CDC14A: variants seen among roughly 807,000 people sequenced by gnomAD.
CDC14A encodes the protein dual specificity protein phosphatase CDC14A.
In CDC14A, 53 loss-of-function variants were observed where a neutral mutation model predicts 74.4. The observed-to-expected ratio is 0.71, with a 90% CI of 0.57 to 0.89. CDC14A has a LOEUF of 0.89. CDC14A is among the 40% of genes least tolerant of loss of function. CDC14A has a pLI of 0.00. For missense variants in CDC14A, 646 were observed against 713.7 expected, an observed-to-expected ratio of 0.91 and a Z score of 1.08; for synonymous variants, 247 against 258.4, an observed-to-expected ratio of 0.96 and a Z score of 0.43.
intron 2 of CDC14A, among the ~76,000 whole-genome samples, chr1:100,360,803 G>A (rs1281661977): frequency 2.0e-5 from 3 of 152,084 alleles, no homozygotes; most frequent in African/African-American, 7.2e-5. Context: ...GTTTGCTTGA[G>A]ATAAGGCTGT....
chr1:100,484,461 C>T lies in CDC14A; in HGVS notation c.1137+10C>T. On this transcript the variant is annotated intron_variant, in intron 11 of 15. Coordinates refer to ENST00000336454, the MANE Select transcript of CDC14A (RefSeq NM_003672.4). ...GGAACGATTTGGAGAGGTAAGTTTTCCCTAGGAGATTCTATCTTCTTAAAA... is the reference window on the plus strand; with the variant it reads ...GGAACGATTTGGAGAGGTAAGTTTTTCCTAGGAGATTCTATCTTCTTAAAA... The T allele has an allele frequency of 6.3e-7, 1 of 1,591,238 alleles. No individual in the cohort carries two copies. Among genetic ancestry groups the T allele is most frequent in the Non-Finnish European group, 8.5e-7 (1 of 1,171,444 alleles).
At chr1:100,399,717 AAGTT>A (rs1348700106) in intron 4 of CDC14A, among the ~76,000 whole-genome samples, 1 of 152,148 alleles carries the variant, frequency 6.6e-6, no homozygotes, top group African/African-American at 2.4e-5. Flanking sequence ...TTAAAAAAGT[AAGTT>A]AGCCAGGTAC....
chr1:100,399,140 G>A (rs867807379), intron 4 of CDC14A, among the ~76,000 whole-genome samples: 3 of 151,902 alleles, frequency 2.0e-5, no homozygotes, highest in Non-Finnish European at 2.9e-5. Flanking sequence ...AAATTCTCTC[G>A]CAGTTCTAAA....
intron 1 of CDC14A, among the ~76,000 whole-genome samples, chr1:100,345,899 G>A (rs1452751468): frequency 6.6e-6 from 1 of 152,138 alleles, no homozygotes; most frequent in African/African-American, 2.4e-5. Flanking sequence ...ACGGCTGGGG[G>A]TGGTGGCTCA....
intron 3 of CDC14A, among the ~76,000 whole-genome samples, chr1:100,383,178 A>G (rs996699778): frequency 2.0e-5 from 3 of 152,118 alleles, no homozygotes; most frequent in Non-Finnish European, 2.9e-5. Flanking sequence ...CAAGGCAAGA[A>G]CCCCTTATGC....
At chr1:100,495,067 T>G in intron 12 of CDC14A, 137 bp downstream of exon 12, 1 of 570,758 alleles carries the variant, frequency 1.8e-6, no homozygotes. Flanking sequence ...GTGTTGTTTA[T>G]TGATTATTTT....
intron 4 of CDC14A, among the ~76,000 whole-genome samples, chr1:100,396,160 C>T (rs573636320): frequency 5.9e-5 from 9 of 152,280 alleles, no homozygotes; most frequent in African/African-American, 2.2e-4. Flanking sequence ...GGGGTTAGGC[C>T]GGGTATTCAC....
intron 15 of CDC14A, among the ~76,000 whole-genome samples, chr1:100,510,069 CTT>C (rs28364908): frequency 0.15 from 22,572 of 152,104 alleles, 2,091 homozygotes; most frequent in African/African-American, 0.27. Flanking sequence ...GCTCTCCTGT[CTT>C]TTGAAAACAT....
At chr1:100,456,811 C>T (rs918403039) in intron 8 of CDC14A, among the ~76,000 whole-genome samples, 3 of 152,062 alleles carry the variant, frequency 2.0e-5, no homozygotes, top group Non-Finnish European at 4.4e-5. Context: ...CATGATTTTA[C>T]CATGCGAATG....
At chr1:100,359,747 C>T (rs1280958058) in intron 2 of CDC14A, among the ~76,000 whole-genome samples, 1 of 151,422 alleles carries the variant, frequency 6.6e-6, no homozygotes, top group Non-Finnish European at 1.5e-5. Flanking sequence ...TGTAGGCTGT[C>T]TGGTGAAATG....
At chr1:100,400,743 T>A (rs1456872759) in intron 4 of CDC14A, among the ~76,000 whole-genome samples, 1 of 152,228 alleles carries the variant, frequency 6.6e-6, no homozygotes, top group South Asian at 2.1e-4. Context: ...CTTCTGCATA[T>A]GGGTAGAGCA....
At chr1:100,434,991 GAAA>G (rs1373041089) in intron 5 of CDC14A, among the ~76,000 whole-genome samples, 1 of 152,214 alleles carries the variant, frequency 6.6e-6, no homozygotes, top group Non-Finnish European at 1.5e-5. Flanking sequence ...AAACTTGTTA[GAAA>G]TGCAAATTCT....
chr1:100,380,800 T>A (rs1655999180), intron 3 of CDC14A, among the ~76,000 whole-genome samples: 1 of 152,208 alleles, frequency 6.6e-6, no homozygotes, highest in Non-Finnish European at 1.5e-5. Context: ...CCCTTGCCAC[T>A]CCCAGCCTTG....
At chr1:100,354,168 T>G (rs1368817681) in intron 2 of CDC14A, among the ~76,000 whole-genome samples, 1 of 152,186 alleles carries the variant, frequency 6.6e-6, no homozygotes, top group Non-Finnish European at 1.5e-5. Flanking sequence ...GACTCAGTAA[T>G]TGGCCTGTGA....
chr1:100,412,710 A>ATAAAATATATATATTT (rs1660907557), intron 4 of CDC14A, among the ~76,000 whole-genome samples: 2 of 96,048 alleles, frequency 2.1e-5, no homozygotes. Context: ...ATATATATAT[A>ATAAAATATATATATTT]TATATATATA....
chr1:100,354,081 TACC>T (rs1651539639), intron 2 of CDC14A, among the ~76,000 whole-genome samples: 1 of 152,322 alleles, frequency 6.6e-6, no homozygotes, highest in Non-Finnish European at 1.5e-5. Context: ...TAGTTCTTCC[TACC>T]ACCACAACAA....
chr1:100,397,911 A>G (rs1658745177), intron 4 of CDC14A, among the ~76,000 whole-genome samples: 1 of 152,192 alleles, frequency 6.6e-6, no homozygotes, highest in Admixed American at 6.5e-5. Flanking sequence ...TTTGTAGACT[A>G]CACTTAAGAC....
chr1:100,464,925 TC>T (rs1188054490), intron 9 of CDC14A, among the ~76,000 whole-genome samples: 19 of 147,626 alleles, frequency 1.3e-4, no homozygotes, highest in Admixed American at 1.2e-3. Flanking sequence ...TCTTTTCTTT[TC>T]TTTTTTTTTT....
At chr1:100,428,863 C>A (rs6662924) in intron 5 of CDC14A, among the ~76,000 whole-genome samples, 44,336 of 151,954 alleles carry the variant, frequency 0.29, 9,123 homozygotes, top group African/African-American at 0.58. Flanking sequence ...CAGGTTGGTA[C>A]GTTTTTTAGT....
Sources: gnomAD v4.1 joint callset for allele counts (sites outside exome capture counted in the v4.1 genomes callset) on GRCh38, gnomAD v4.1.1 for gene constraint, MANE v1.5 for transcripts, NCBI Gene and HGNC (gene_info 2026-07-23, HGNC 2026-07-21) for gene names.